The following PIEZO2 variants were observed in gnomAD, a reference collection of about 807,000 sequenced individuals.
The protein encoded by PIEZO2 is piezo-type mechanosensitive ion channel component 2.
Under a neutral mutation model 337.3 loss-of-function variants are expected in PIEZO2, and 172 were observed. The observed-to-expected ratio is 0.51, with a 90% CI of 0.45 to 0.58. The LOEUF (loss-of-function observed/expected upper bound fraction) is 0.58. Ranked by LOEUF, PIEZO2 falls within the 20% of genes least tolerant of loss-of-function variation. The probability of loss-of-function intolerance (pLI) is 0.00; values close to 1 mark genes in which losing one functional copy is unlikely to be tolerated. For missense variants in PIEZO2, 3,028 were observed against 3,391.3 expected, an observed-to-expected ratio of 0.89 and a Z score of 2.66; for synonymous variants, 1,251 against 1,228.5, an observed-to-expected ratio of 1.02 and a Z score of -0.38.
chr18:10,798,485 T>C (rs1353071142), intron 11 of PIEZO2, among the ~76,000 whole-genome samples: 1 of 152,240 alleles, frequency 6.6e-6, no homozygotes, highest in Non-Finnish European at 1.5e-5. Flanking sequence ...CTGCAGTTTA[T>C]ACAAAAAGTC....
Position 10,803,929 on chromosome 18 carries a change from C to G in PIEZO2, c.1146G>C (p.Ala382=). 3.9e-6 allele frequency: 6 copies of G among 1,537,334 alleles called. No homozygotes were observed. Among genetic ancestry groups the G allele is most frequent in the Non-Finnish European group, 5.2e-6 (6 of 1,146,932 alleles). The change falls in exon 9 of 56, where the codon GCG becomes GCC. Residue 382 remains alanine (A), a synonymous_variant. Transcript: ENST00000674853. ...ALACSPIQIT[A]GRRRSLWYAT... is the part of the protein sequence containing the mutation. ...CGTACCACAGGCTCCGCCTCCTCCC[C>G]GCTGTTATTTGGATGGGGCTACAAG...
chr18:10,963,298 A>T (rs2033865741), intron 3 of PIEZO2, among the ~76,000 whole-genome samples: 1 of 152,092 alleles, frequency 6.6e-6, no homozygotes, highest in African/African-American at 2.4e-5. Flanking sequence ...AAAAAAAAGA[A>T]AGAAATATTC....
In PIEZO2 at chr18:10,767,189, T is replaced by A. The variant is rs9956118; in HGVS notation, c.2946+2959A>T. ...AAAAGGAGGAGAAAATGTTTATGTA[T>A]ACTATATATATATTTAAATCTAGAT... On this transcript the variant is annotated intron_variant, in intron 21 of 55. Coordinates refer to ENST00000674853, the MANE Select transcript of PIEZO2 (RefSeq NM_001378183.1). This position sits in a 1 kb window ranked among gnomAD's most constrained non-coding sequence, Gnocchi z 4.2. 0.77 allele frequency among the ~76,000 whole-genome samples: 117,807 copies of A among 152,090 alleles called. 46,028 individuals are homozygous for A. The highest frequency in any genetic ancestry group is 0.89 in the East Asian group (4,591 of 5,174).
In PIEZO2 at chr18:10,881,225, ATATGTATGTATG is replaced by A. The variant is rs375559674; in HGVS notation, c.330-9822_330-9811del. Among the ~76,000 whole-genome samples the A allele has an allele frequency of 4.9e-4, 75 of 152,012 alleles. No homozygotes were observed. In the East Asian group the frequency reaches 0.013, roughly 27 times the overall value. On this transcript the variant is annotated intron_variant, in intron 4 of 55. Transcript: ENST00000674853. The stretch of plus-strand genomic sequence containing the variant: ...TGCTGGATTTTCAGGAGATATATAG[ATATGTATGTATG>A]TATGTATGTATGATGTATTTTACAT...
intron 17 of PIEZO2, among the ~76,000 whole-genome samples, chr18:10,782,755 G>A (rs1056401752): frequency 4.0e-5 from 6 of 151,734 alleles, no homozygotes; most frequent in Non-Finnish European, 7.4e-5. Flanking sequence ...GCAGGGTAAG[G>A]GCTGTGAAGC....
intron 3 of PIEZO2, among the ~76,000 whole-genome samples, chr18:10,944,242 C>G (rs975658932): frequency 6.6e-6 from 1 of 151,636 alleles, no homozygotes; most frequent in Admixed American, 6.6e-5. Context: ...AATGAAAGCT[C>G]AAAAGAAATT....
At chr18:10,926,283 G>C (rs143803640) in intron 3 of PIEZO2, among the ~76,000 whole-genome samples, 39 of 152,184 alleles carry the variant, frequency 2.6e-4, no homozygotes, top group Admixed American at 1.0e-3. Context: ...ATTCAGCGGC[G>C]TCACGTTCAC....
rs375072949 is a variant in PIEZO2, at chr18:10,921,514, A to G, written c.287-10286T>C. 1.5e-4 allele frequency among the ~76,000 whole-genome samples: 23 copies of G among 152,220 alleles called. No homozygotes were observed. The East Asian group carries it at 4.0e-3, about 27-fold the overall frequency. ...TTGTGGTTTCCTATGCCTGTCTTTA[A>G]TCTCTTAATCCCATCAGCTGAGGAG... On this transcript the variant is annotated intron_variant, in intron 3 of 55. Transcript: ENST00000674853.
At chr18:10,771,292 T>A (rs1337276790) in intron 20 of PIEZO2, among the ~76,000 whole-genome samples, 1 of 152,244 alleles carries the variant, frequency 6.6e-6, no homozygotes, top group African/African-American at 2.4e-5. Context: ...AGCATCAGAA[T>A]GACTCAGCCC....
intron 3 of PIEZO2, among the ~76,000 whole-genome samples, chr18:10,932,907 G>A (rs561125086): frequency 2.7e-4 from 41 of 151,752 alleles, no homozygotes; most frequent in African/African-American, 9.2e-4. Context: ...CTGGGCAACA[G>A]AGCCAGACCC....
intron 2 of PIEZO2, among the ~76,000 whole-genome samples, chr18:10,985,060 A>C (rs1250141040): frequency 6.6e-6 from 1 of 152,126 alleles, no homozygotes; most frequent in Non-Finnish European, 1.5e-5. Flanking sequence ...TAACCACTAG[A>C]ACTGCCCTAT....
rs2033769741 is a variant in PIEZO2, at chr18:10,671,451, T to A, written c.*76A>T. 3 of 1,443,278 alleles carry A rather than the reference T, an allele frequency of 2.1e-6. No individual in the cohort carries two copies. Among genetic ancestry groups the A allele is most frequent in the Admixed American group, 2.2e-5 (1 of 45,376 alleles). 89.4% of individuals were successfully genotyped at this position (1,443,278 alleles called of 1,614,324 possible). A position where few individuals can be genotyped will look rare whatever the true frequency, so the allele number is the denominator to read the frequency against. ...ACCATTTCCGTCGAACTAGAAATGC[T>A]TAGCTCTTATGAGAATATTGTGCTT... On this transcript the variant is annotated 3_prime_UTR_variant, in exon 56 of 56. Transcript: ENST00000674853.
At position 10,761,359 on chromosome 18, in the gene PIEZO2, C is replaced by A. The variant is rs1471378097; in HGVS notation, c.3250-248G>T. On this transcript the variant is annotated intron_variant, in intron 23 of 55. Coordinates refer to ENST00000674853, the MANE Select transcript of PIEZO2 (RefSeq NM_001378183.1). ...CAAACATAAGATGCTGCTGCTCATTCCTACTTCTCACAACTACACATCTCA... is the reference window on the plus strand; with the variant it reads ...CAAACATAAGATGCTGCTGCTCATTACTACTTCTCACAACTACACATCTCA... Among the ~76,000 whole-genome samples, 5 of 152,288 alleles carry A rather than the reference C, an allele frequency of 3.3e-5. No homozygotes were observed. The South Asian group carries it at 1.0e-3, about 32-fold the overall frequency.
chr18:11,014,598 G>GCC (rs1205728236), intron 2 of PIEZO2, among the ~76,000 whole-genome samples: 7 of 138,312 alleles, frequency 5.1e-5, no homozygotes, highest in African/African-American at 1.4e-4. Context: ...GCGATCCAGG[G>GCC]CCCCTCATTC....
chr18:10,849,803 T>C (rs1031140778), intron 7 of PIEZO2, among the ~76,000 whole-genome samples: 1 of 152,224 alleles, frequency 6.6e-6, no homozygotes, highest in African/African-American at 2.4e-5. Flanking sequence ...TGAGGCAAAT[T>C]TTGTTTAGTT....
chr18:10,720,387 GTGTGTGTGTGTGTGTGTATGTGTA>G (rs2036228058), intron 36 of PIEZO2, among the ~76,000 whole-genome samples: 1 of 35,340 alleles, frequency 2.8e-5, no homozygotes, highest in African/African-American at 8.4e-5. Flanking sequence ...GTGTGTGTGT[GTGTGTGTGTGTGTGTGTATGTGTA>G]TGTGTATGTA....
chr18:10,865,541 G>A (rs1189207146), intron 5 of PIEZO2, among the ~76,000 whole-genome samples: 1 of 152,168 alleles, frequency 6.6e-6, no homozygotes, highest in Non-Finnish European at 1.5e-5. Flanking sequence ...TCACATCAGT[G>A]TTTCTGGCTC....
At position 11,104,245 on chromosome 18, in the gene PIEZO2, A is replaced by G. The variant is rs576344717; in HGVS notation, c.65-38023T>C. ...AGCCCAGAATTTGGAGGCTTTTCAC[A>G]TACTCTGAGAATGTAAAAGGTGGCA... On this transcript the variant is annotated intron_variant, in intron 1 of 55. Coordinates refer to ENST00000674853, the MANE Select transcript of PIEZO2 (RefSeq NM_001378183.1). The surrounding 1 kb of genome is among the most constrained non-coding windows in gnomAD (Gnocchi z 4.6). Among the ~76,000 whole-genome samples the G allele has an allele frequency of 1.2e-4, 19 of 152,174 alleles. No individual in the cohort carries two copies. Among genetic ancestry groups the G allele is most frequent in the Admixed American group, 6.5e-5 (1 of 15,280 alleles).
At position 11,002,693 on chromosome 18, in the gene PIEZO2, G is replaced by A. The variant is rs1044937082; in HGVS notation, c.161-23033C>T. ...GTTGCAATGTTTTACTGGCGGCGGC[G>A]GGGAACACATTCAGGCAGAGATGTG... On this transcript the variant is annotated intron_variant, in intron 2 of 55. Coordinates refer to ENST00000674853, the MANE Select transcript of PIEZO2 (RefSeq NM_001378183.1). The surrounding 1 kb of genome is among the most constrained non-coding windows in gnomAD (Gnocchi z 4.3). Among the ~76,000 whole-genome samples the A allele has an allele frequency of 1.4e-4, 22 of 152,148 alleles. No homozygotes were observed. Among genetic ancestry groups the A allele is most frequent in the Non-Finnish European group, 2.4e-4 (16 of 68,036 alleles).
Sources: allele counts gnomAD v4.1 joint callset (sites outside exome capture counted in the v4.1 genomes callset), GRCh38; gene constraint gnomAD v4.1.1; non-coding constraint Gnocchi (gnomAD v3.1); transcripts MANE v1.5; gene names NCBI Gene and HGNC (gene_info 2026-07-23, HGNC 2026-07-21).